Variants in BPI observed in about 807,000 individuals in gnomAD.
BPI encodes bactericidal permeability-increasing protein.
BPI carries 48 observed loss-of-function variants against 57.6 expected under a neutral mutation model. The ratio of observed to expected loss-of-function variants is 0.83; its 90% CI spans 0.66 to 1.06. BPI has a LOEUF of 1.06. Ranked by LOEUF, BPI falls within the 50% of genes least tolerant of loss-of-function variation. BPI has a pLI of 0.00. For synonymous variants in BPI, 237 were observed against 238.2 expected (o/e 0.99, Z 0.05); for missense variants, 651 against 609.7 (o/e 1.07, Z -0.71).
intron 7 of BPI, among the ~76,000 whole-genome samples, chr20:38,323,076 TA>T (rs545867419): frequency 1.2e-3 from 184 of 152,304 alleles, no homozygotes; most frequent in South Asian, 1.9e-3. Flanking sequence ...TTCTGATTTT[TA>T]AAAAAATTTA....
intron 11 of BPI, among the ~76,000 whole-genome samples, chr20:38,329,806 G>A (rs562946593): frequency 1.2e-4 from 19 of 152,156 alleles, no homozygotes; most frequent in African/African-American, 3.9e-4. Flanking sequence ...CCTGCCTCCC[G>A]GGTTCAAGCA....
At chr20:38,314,864 ATGATGG>A (rs1391741546) in intron 5 of BPI, among the ~76,000 whole-genome samples, 2 of 100,014 alleles carry the variant, frequency 2.0e-5, no homozygotes, top group Non-Finnish European at 4.4e-5. Context: ...GATGATGATG[ATGATGG>A]TGATGGTGAT....
intron 5 of BPI, 59 bp downstream of exon 5, chr20:38,311,996 C>T: frequency 1.3e-6 from 2 of 1,528,030 alleles, no homozygotes; most frequent in Non-Finnish European, 1.8e-6. Context: ...AGTAACCACA[C>T]ACCTCCCCCT....
At chr20:38,320,840 T>A (rs1413773075) in intron 7 of BPI, among the ~76,000 whole-genome samples, 1 of 128,270 alleles carries the variant, frequency 7.8e-6, no homozygotes, top group East Asian at 2.2e-4. Flanking sequence ...GGTGGATGGA[T>A]GGATGGATTA....
At chr20:38,331,498 A>G (rs1403517257) in intron 12 of BPI, among the ~76,000 whole-genome samples, 1 of 152,196 alleles carries the variant, frequency 6.6e-6, no homozygotes, top group Non-Finnish European at 1.5e-5. Flanking sequence ...TGCATCAGAC[A>G]GGGAAGTGAT....
chr20:38,329,392 G>A (rs1459491680), intron 11 of BPI, among the ~76,000 whole-genome samples: 1 of 152,192 alleles, frequency 6.6e-6, no homozygotes, highest in Admixed American at 6.5e-5. Flanking sequence ...ACCTTGAGAC[G>A]AGCCCCAGAG....
chr20:38,331,232 C>T (rs2076741186), intron 12 of BPI, 142 bp downstream of exon 12: 1 of 1,050,600 alleles, frequency 9.5e-7, no homozygotes, highest in East Asian at 2.6e-5. Context: ...GTTCAAGGAG[C>T]TTCGTGGGCA....
chr20:38,322,708 T>C (rs1426429958), intron 7 of BPI, among the ~76,000 whole-genome samples: 2 of 152,204 alleles, frequency 1.3e-5, no homozygotes, highest in South Asian at 2.1e-4. Flanking sequence ...CCTCCCAGGT[T>C]CAGGCGATTC....
intron 5 of BPI, among the ~76,000 whole-genome samples, chr20:38,318,207 G>A (rs2076661971): frequency 6.6e-6 from 1 of 151,932 alleles, no homozygotes; most frequent in Admixed American, 6.5e-5. Flanking sequence ...AGTTATGTGG[G>A]CCATACAGTC....
At chr20:38,309,172 G>A in intron 3 of BPI, 114 bp downstream of exon 3, 2 of 1,440,786 alleles carry the variant, frequency 1.4e-6, no homozygotes, top group Non-Finnish European at 1.9e-6. Context: ...ACCACCTATA[G>A]CCACAGCGTT....
At chr20:38,316,196 C>A (rs1416839210) in intron 5 of BPI, among the ~76,000 whole-genome samples, 1 of 152,010 alleles carries the variant, frequency 6.6e-6, no homozygotes, top group Non-Finnish European at 1.5e-5. Flanking sequence ...TTCTTCCTTC[C>A]TTCTTTCTCT....
intron 5 of BPI, among the ~76,000 whole-genome samples, chr20:38,313,798 G>C (rs1280948675): frequency 6.7e-6 from 1 of 150,284 alleles, no homozygotes; most frequent in African/African-American, 2.4e-5. Flanking sequence ...TGATGGTGGG[G>C]ATGATGATGA....
At position 38,323,899 on chromosome 20, in the gene BPI, T is replaced by C; in HGVS notation, c.786T>C (p.Asn262=). Residue 262 remains asparagine (N), a synonymous_variant, in exon 8 of 15, where the codon AAT becomes AAC. Coordinates refer to ENST00000642449, the MANE Select transcript of BPI (RefSeq NM_001725.3). ...KGEFYSENHH[N]PPPFAPPVME... ...AGTTTTACAGTGAGAACCACCACAA[T>C]CCACCTCCCTTTGCTCCACCAGTGA... is the stretch of plus-strand genomic sequence containing the variant. 6.2e-7 allele frequency: 1 copy of C among 1,614,124 alleles called. No homozygotes were observed. Among genetic ancestry groups the C allele is most frequent in the Non-Finnish European group, 8.5e-7 (1 of 1,180,010 alleles).
At chr20:38,318,318 A>C in intron 5 of BPI, 95 bp from the exon 6 acceptor site, 1 of 1,371,364 alleles carries the variant, frequency 7.3e-7, no homozygotes, top group Non-Finnish European at 1.0e-6. Context: ...TCAAGAAAAC[A>C]TTCAAGGAAA....
At position 38,335,667 on chromosome 20, in the gene BPI, C is replaced by A. The variant is rs1209753691; in HGVS notation, c.1406C>A (p.Pro469His). Residue 469 changes from proline to histidine, a missense_variant, in exon 14 of 15, where the codon CCT becomes CAT. Physicochemically the swap from Pro to His is moderately conservative, Grantham distance 77. Transcript: ENST00000642449. ...RVQLYNVVLQ[P>H]HQNFLLFGAD... ...CAGCTCTACAACGTAGTGCTTCAGC[C>A]TCACCAGGTGAGTCCCGGAGTCTTT... 3.7e-6 allele frequency: 6 copies of A among 1,614,012 alleles called. No homozygotes were observed. Among genetic ancestry groups the A allele is most frequent in the Non-Finnish European group, 5.1e-6 (6 of 1,179,956 alleles).
Position 38,334,282 on chromosome 20 carries a change from G to A in BPI, c.1273-148G>A, listed in dbSNP as rs551536115. 7.7e-5 allele frequency: 57 copies of A among 740,384 alleles called. 1 individual carries two copies. The South Asian group carries it at 8.0e-4, about 10-fold the overall frequency. The allele number at this position is 740,384 out of a possible 1,614,324, so 45.9% of individuals were successfully genotyped here. On this transcript the variant is annotated intron_variant, in intron 12 of 14. Coordinates refer to ENST00000642449, the MANE Select transcript of BPI (RefSeq NM_001725.3). ...TGCCAAGTATTCACATATCACTTGC[G>A]TCCACCTCTCAGCAGTTTTCCCAAC...
chr20:38,326,528 CAA>C, intron 10 of BPI, 96 bp downstream of exon 10: 1 of 1,371,430 alleles, frequency 7.3e-7, no homozygotes, highest in South Asian at 1.5e-5. Flanking sequence ...TGTCTGGATT[CAA>C]ACCTGGACTG....
rs189577107 is a variant in BPI, at chr20:38,310,500, C to T, written c.384C>T (p.Ser128=). The T allele has an allele frequency of 2.7e-4, 438 of 1,612,196 alleles. 1 individual carries two copies. Among genetic ancestry groups the T allele is most frequent in the Non-Finnish European group, 3.5e-4 (412 of 1,178,528 alleles). The change falls in exon 4 of 15, where the codon AGC becomes AGT. Residue 128 remains serine, a synonymous_variant. Transcript: ENST00000642449. ...CTTTGTTCTTCTTCAGAAAAATGAG[C>T]GGCAATTTTGACCTGAGCATAGAAG... The part of the protein sequence containing the change: ...WKAQKRFLKM[S]GNFDLSIEGM...
At chr20:38,326,522 T>C in intron 10 of BPI, 90 bp downstream of exon 10, 1 of 1,401,564 alleles carries the variant, frequency 7.1e-7, no homozygotes. Flanking sequence ...GAATCCTGTC[T>C]GGATTCAAAC....
Sources: gnomAD v4.1 joint callset for allele counts (sites outside exome capture counted in the v4.1 genomes callset) on GRCh38, gnomAD v4.1.1 for gene constraint, MANE v1.5 for transcripts, NCBI Gene and HGNC (gene_info 2026-07-23, HGNC 2026-07-21) for gene names.